The following HTR7 variants were observed in gnomAD, a reference collection of about 807,000 sequenced individuals.
The protein encoded by HTR7 is 5-HT-7.
In HTR7, 16 loss-of-function variants were observed where a neutral mutation model predicts 34.0. The ratio of observed to expected loss-of-function variants is 0.47; its 90% CI spans 0.32 to 0.71. The LOEUF is 0.71. Among genes scored for constraint, HTR7 ranks in the 30% least tolerant of loss-of-function variants. The pLI, the probability that HTR7 is intolerant of heterozygous loss-of-function variation, is 0.04. For missense variants in HTR7, 504 were observed against 625.5 expected (o/e 0.81, Z 2.07); for synonymous variants, 265 against 260.2 (o/e 1.02, Z -0.18).
intron 1 of HTR7, among the ~76,000 whole-genome samples, chr10:90,751,809 C>T (rs2119685776): frequency 6.6e-6 from 1 of 152,330 alleles, no homozygotes; most frequent in Middle Eastern, 3.4e-3. Context: ...TTTCTTCACA[C>T]TTTCCTTACT....
At chr10:90,744,213 G>C (rs1042612021) in intron 2 of HTR7, among the ~76,000 whole-genome samples, 1 of 150,176 alleles carries the variant, frequency 6.7e-6, no homozygotes, top group Admixed American at 6.7e-5. Context: ...GGGAGCAAAG[G>C]GTTCTGATTA....
At chr10:90,747,162 G>A (rs1382167047) in intron 2 of HTR7, among the ~76,000 whole-genome samples, 1 of 152,194 alleles carries the variant, frequency 6.6e-6, no homozygotes, top group Non-Finnish European at 1.5e-5. Context: ...GATGCTAGAA[G>A]CACCTATTTT....
chr10:90,751,949 T>C (rs1242342243), intron 1 of HTR7, among the ~76,000 whole-genome samples: 1 of 152,190 alleles, frequency 6.6e-6, no homozygotes, highest in Non-Finnish European at 1.5e-5. Flanking sequence ...TTAGATAATC[T>C]CATTTAAATG....
chr10:90,801,249 C>G (rs1334247640), intron 1 of HTR7, among the ~76,000 whole-genome samples: 1 of 152,128 alleles, frequency 6.6e-6, no homozygotes, highest in Non-Finnish European at 1.5e-5. Context: ...TGTAATTTCT[C>G]CTTAAGCTCA....
rs770086890 is a variant in HTR7, at chr10:90,857,695, A to G, written c.-24T>C. 5.4e-6 allele frequency: 8 copies of G among 1,484,612 alleles called. No homozygotes were observed. The South Asian group carries it at 6.7e-5, about 12-fold the overall frequency. 92.0% of individuals were successfully genotyped at this position (1,484,612 alleles called of 1,614,324 possible). A position where few individuals can be genotyped will look rare whatever the true frequency, so the allele number is the denominator to read the frequency against. ...ATCGCGCCGCCGTGTGCCGCTGCCC[A>G]TGGAGCCGGCGCCCCGGCCACGCGC... On this transcript the variant is annotated 5_prime_UTR_variant, in exon 1 of 4. It removes an upstream start codon present in the reference 5' UTR. Coordinates refer to ENST00000336152, the MANE Select transcript of HTR7 (RefSeq NM_019859.4). This position sits in a 1 kb window ranked among gnomAD's most constrained non-coding sequence, Gnocchi z 6.5.
chr10:90,773,824 TACC>T (rs1564677175), intron 1 of HTR7, among the ~76,000 whole-genome samples: 1 of 152,250 alleles, frequency 6.6e-6, no homozygotes, highest in African/African-American at 2.4e-5. Context: ...TGCGTATATG[TACC>T]ACATTTCCTT....
At chr10:90,848,496 T>C (rs1009502773) in intron 1 of HTR7, among the ~76,000 whole-genome samples, 3 of 152,270 alleles carry the variant, frequency 2.0e-5, no homozygotes, top group Admixed American at 2.0e-4. Context: ...ATATACTTTA[T>C]ATTTTGCTGC....
In HTR7 at chr10:90,790,811, G is replaced by C. The variant is rs559064802; in HGVS notation, c.540-41217C>G. ...ATTTTCTCAATATTATGCAGAGAGAGAGAGAGAAAGGGAGATTGAGGGAGA... is the reference window on the plus strand; with the variant it reads ...ATTTTCTCAATATTATGCAGAGAGACAGAGAGAAAGGGAGATTGAGGGAGA... On this transcript the variant is annotated intron_variant, in intron 1 of 3. Coordinates refer to ENST00000336152, the MANE Select transcript of HTR7 (RefSeq NM_019859.4). Among the ~76,000 whole-genome samples, 157 of 152,194 alleles carry C rather than the reference G, an allele frequency of 1.0e-3. 2 individuals carry two copies. The highest frequency in any genetic ancestry group is 1.2e-4 in the Non-Finnish European group (8 of 67,970).
chr10:90,827,893 T>C (rs1325640904), intron 1 of HTR7, among the ~76,000 whole-genome samples: 1 of 152,212 alleles, frequency 6.6e-6, no homozygotes, highest in Non-Finnish European at 1.5e-5. Context: ...TTACAGAATA[T>C]TTCATCCAAT....
At chr10:90,856,320 C>T (rs1290729571) in intron 1 of HTR7, among the ~76,000 whole-genome samples, 1 of 152,194 alleles carries the variant, frequency 6.6e-6, no homozygotes, top group East Asian at 1.9e-4. Context: ...TTTCAAGGGT[C>T]AAAGACTAGC....
intron 1 of HTR7, among the ~76,000 whole-genome samples, chr10:90,776,445 T>C (rs921053578): frequency 1.3e-5 from 2 of 152,248 alleles, no homozygotes; most frequent in African/African-American, 2.4e-5. Flanking sequence ...AAGCAGCAGG[T>C]AGGTAATCTT....
chr10:90,817,432 T>G (rs1845914495), intron 1 of HTR7, among the ~76,000 whole-genome samples: 1 of 152,254 alleles, frequency 6.6e-6, no homozygotes, highest in Non-Finnish European at 1.5e-5. Flanking sequence ...ATGAGATTAA[T>G]CATTCCTTCA....
At chr10:90,793,162 T>A (rs1845485463) in intron 1 of HTR7, among the ~76,000 whole-genome samples, 1 of 152,114 alleles carries the variant, frequency 6.6e-6, no homozygotes, top group African/African-American at 2.4e-5. Flanking sequence ...TTCAATAGAA[T>A]TAATATCCAG....
chr10:90,829,917 A>G (rs1048646643), intron 1 of HTR7, among the ~76,000 whole-genome samples: 17 of 152,218 alleles, frequency 1.1e-4, no homozygotes, highest in Non-Finnish European at 2.1e-4. Flanking sequence ...AAAGAAGTGA[A>G]AGAAATTGAA....
chr10:90,799,862 A>C (rs954668061), intron 1 of HTR7, among the ~76,000 whole-genome samples: 2 of 152,192 alleles, frequency 1.3e-5, no homozygotes, highest in African/African-American at 4.8e-5. Flanking sequence ...GGTTGAAAGT[A>C]TTTTAAGTAA....
chr10:90,831,230 C>T (rs1207311395), intron 1 of HTR7, among the ~76,000 whole-genome samples: 1 of 152,184 alleles, frequency 6.6e-6, no homozygotes, highest in Non-Finnish European at 1.5e-5. Flanking sequence ...AGACCCTCGC[C>T]GTGAGTGTTA....
intron 1 of HTR7, among the ~76,000 whole-genome samples, chr10:90,774,986 G>A (rs1004803170): frequency 4.6e-5 from 7 of 152,190 alleles, no homozygotes; most frequent in African/African-American, 1.4e-4. Flanking sequence ...GTGCAGCAGA[G>A]GGACTGCCTA....
intron 1 of HTR7, among the ~76,000 whole-genome samples, chr10:90,849,085 G>A (rs962188093): frequency 6.6e-6 from 1 of 152,148 alleles, no homozygotes; most frequent in African/African-American, 2.4e-5. Flanking sequence ...TGACACACAG[G>A]TGTATTATTT....
At chr10:90,795,253 T>C (rs1845520687) in intron 1 of HTR7, among the ~76,000 whole-genome samples, 2 of 152,220 alleles carry the variant, frequency 1.3e-5, no homozygotes. Flanking sequence ...ATAATAACTG[T>C]ATCAATTTAC....
Sources: allele counts gnomAD v4.1 joint callset (sites outside exome capture counted in the v4.1 genomes callset), GRCh38; gene constraint gnomAD v4.1.1; non-coding constraint Gnocchi (gnomAD v3.1); transcripts MANE v1.5; gene names NCBI Gene and HGNC (gene_info 2026-07-23, HGNC 2026-07-21).